The following SAMD4B variants were observed in gnomAD, a reference collection of about 807,000 sequenced individuals.
SAMD4B encodes protein Smaug homolog 2.
In SAMD4B, 5 loss-of-function variants were observed where a neutral mutation model predicts 74.5. That is an observed-to-expected ratio of 0.07 (90% CI 0.04 to 0.14). The LOEUF (loss-of-function observed/expected upper bound fraction) is 0.14. SAMD4B is among the 10% of genes least tolerant of loss of function. The pLI is 1.00. For synonymous variants in SAMD4B, 373 were observed against 374.9 expected (o/e 1.00, Z 0.06); for missense variants, 608 against 921.8 (o/e 0.66, Z 4.41).
rs759040013 is a variant in SAMD4B, at chr19:39,385,608, C to T, written c.*2081C>T. 1.6e-5 allele frequency: 8 copies of T among 510,066 alleles called. No individual in the cohort carries two copies. The highest frequency in any genetic ancestry group is 5.0e-4 in the Middle Eastern group (1 of 1,984). 31.6% of individuals were successfully genotyped at this position (510,066 alleles called of 1,614,324 possible). ...AGCTTTGAGTAACTGTACAGTTTTT[C>T]TCGCTGTTGGAGAAGACTTATTTGT... is the stretch of plus-strand genomic sequence containing the variant. On this transcript the variant is annotated 3_prime_UTR_variant, in exon 14 of 14. Coordinates refer to ENST00000610417, the MANE Select transcript of SAMD4B (RefSeq NM_001384574.2).
At chr19:39,387,257 AT>A (rs935211283), downstream of SAMD4B, 72 of 383,866 alleles carry the variant, frequency 1.9e-4, no homozygotes, top group African/African-American at 1.3e-3. Flanking sequence ...AATAGTAAGT[AT>A]TTGTGTATCT....
chr19:39,380,601 C>G lies in SAMD4B; in HGVS notation c.1664C>G (p.Ser555Cys), dbSNP rs1600588447. ...YRQQKGWAFG[S>C]NSLPIAGSVG... ...CTCTCTCATAGCTGGGCATTCGGCT[C>G]CAACTCGCTCCCCATAGCTGGCTCT... Residue 555 changes from serine to cysteine, a missense_variant, in exon 11 of 14, where the codon TCC becomes TGC. Ser to Cys is a moderately radical substitution (Grantham distance 112). Around this residue, in one of 9 missense-constraint regions of SAMD4B, gnomAD observed 167 missense variants for 193.0 expected, o/e 0.87. Coordinates refer to ENST00000610417, the MANE Select transcript of SAMD4B (RefSeq NM_001384574.2). The G allele has an allele frequency of 6.2e-7, 1 of 1,614,186 alleles. No homozygotes were observed. Among genetic ancestry groups the G allele is most frequent in the East Asian group, 2.2e-5 (1 of 44,880 alleles).
chr19:39,377,878 C>T lies in SAMD4B; in HGVS notation c.1444+54C>T, dbSNP rs2077699290. 21 of 1,502,732 alleles carry T rather than the reference C, an allele frequency of 1.4e-5. No homozygotes were observed. The South Asian group carries it at 2.7e-4, about 19-fold the overall frequency. The allele number at this position is 1,502,732 out of a possible 1,614,324, so 93.1% of individuals were successfully genotyped here. A position where few individuals can be genotyped will look rare whatever the true frequency, so the allele number is the denominator to read the frequency against. On this transcript the variant is annotated intron_variant, in intron 8 of 13. Coordinates refer to ENST00000610417, the MANE Select transcript of SAMD4B (RefSeq NM_001384574.2). The stretch of plus-strand genomic sequence containing the variant: ...TCCTGAGGCAGAAAGCCAAGTGAAC[C>T]CAAGCACCAGGGATCAAATCCAAGT...
downstream of SAMD4B, chr19:39,386,009 A>G (rs1246122974): frequency 3.1e-6 from 5 of 1,613,632 alleles, no homozygotes; most frequent in African/African-American, 1.3e-5. This position sits in a 1 kb window ranked among gnomAD's most constrained non-coding sequence, Gnocchi z 6.1. Context: ...TGTCACTATC[A>G]GCTTCACTGG....
chr19:39,364,544 CCTTGA>C (rs2145575652), intron 3 of SAMD4B, among the ~76,000 whole-genome samples: 1 of 152,284 alleles, frequency 6.6e-6, no homozygotes, highest in South Asian at 2.1e-4. Context: ...GGGTGCATAT[CCTTGA>C]CTTATTTTTA....
At chr19:39,380,154 A>C in intron 10 of SAMD4B, 70 bp downstream of exon 10, 3 of 1,197,954 alleles carry the variant, frequency 2.5e-6, no homozygotes, top group Non-Finnish European at 3.6e-6. Context: ...TCGTGCTTAG[A>C]GGGGTGATTG....
downstream of SAMD4B, chr19:39,389,608 C>G (rs770596314): frequency 1.2e-6 from 2 of 1,614,190 alleles, no homozygotes; most frequent in Non-Finnish European, 1.7e-6. This position sits in a 1 kb window ranked among gnomAD's most constrained non-coding sequence, Gnocchi z 5.3. Flanking sequence ...CTTTGCTGAC[C>G]TAGAGCAGAC....
intron 1 of SAMD4B, among the ~76,000 whole-genome samples, chr19:39,343,384 C>T (rs1225051858): frequency 1.3e-5 from 2 of 151,372 alleles, no homozygotes; most frequent in South Asian, 2.1e-4. Flanking sequence ...TGAAGATCTC[C>T]TTCCCATATC....
At chr19:39,389,064 G>T (rs759343098), downstream of SAMD4B, 19 of 1,611,344 alleles carry the variant, frequency 1.2e-5, no homozygotes, top group Non-Finnish European at 1.5e-5. This position sits in a 1 kb window ranked among gnomAD's most constrained non-coding sequence, Gnocchi z 5.3. Context: ...CCGCACCCTT[G>T]CCTCTCCCCA....
At chr19:39,376,035 C>G in intron 5 of SAMD4B, 146 bp downstream of exon 5, 1 of 1,099,726 alleles carries the variant, frequency 9.1e-7, no homozygotes, top group Non-Finnish European at 1.3e-6. Flanking sequence ...GCTTTTAGGG[C>G]TCAGGACTAA....
At chr19:39,345,563 G>A (rs1814034542) in intron 1 of SAMD4B, among the ~76,000 whole-genome samples, 2 of 152,064 alleles carry the variant, frequency 1.3e-5, no homozygotes, top group South Asian at 2.1e-4. Flanking sequence ...TTTTCATTCT[G>A]TGTCTTACTG....
chr19:39,355,412 G>A (rs1340129202), intron 2 of SAMD4B, among the ~76,000 whole-genome samples: 2 of 152,162 alleles, frequency 1.3e-5, no homozygotes, highest in East Asian at 3.9e-4. Context: ...GTTGCCTAAT[G>A]CACCCCACAG....
rs2077764928 is a variant in SAMD4B, at chr19:39,378,833, G to C, written c.1530+244G>C. On this transcript the variant is annotated intron_variant, in intron 9 of 13. Coordinates refer to ENST00000610417, the MANE Select transcript of SAMD4B (RefSeq NM_001384574.2). This position sits in a 1 kb window ranked among gnomAD's most constrained non-coding sequence, Gnocchi z 4.4. The stretch of plus-strand genomic sequence containing the variant: ...GAGGCAGAATGGCGTGAACCCGGCA[G>C]GTGGAGCTTGTGGTGAGCCAAGATC... Among the ~76,000 whole-genome samples the C allele has an allele frequency of 6.6e-6, 1 of 152,252 alleles. No individual in the cohort carries two copies. The highest frequency in any genetic ancestry group is 1.5e-5 in the Non-Finnish European group (1 of 68,042).
downstream of SAMD4B, chr19:39,389,159 T>C: frequency 6.2e-7 from 1 of 1,614,152 alleles, no homozygotes; most frequent in Non-Finnish European, 8.5e-7. The surrounding 1 kb of genome is among the most constrained non-coding windows in gnomAD (Gnocchi z 5.3). Flanking sequence ...CTTTGTATAT[T>C]TCTTCCTCGG....
downstream of SAMD4B, chr19:39,385,845 G>A (rs1229697418): frequency 5.8e-6 from 7 of 1,197,296 alleles, no homozygotes; most frequent in Non-Finnish European, 5.8e-6. Flanking sequence ...GGGGCTGGGA[G>A]GGGAAGTAAA....
At position 39,379,998 on chromosome 19, in the gene SAMD4B, A is replaced by G; in HGVS notation, c.1563A>G (p.Leu521=). 1 of 1,614,072 alleles carries G rather than the reference A, an allele frequency of 6.2e-7. No individual in the cohort carries two copies. The change falls in exon 10 of 14, where the codon CTA becomes CTG. Residue 521 remains leucine (L), a synonymous_variant. Coordinates refer to ENST00000610417, the MANE Select transcript of SAMD4B (RefSeq NM_001384574.2). ...CGGAGACGCAGAAGAAACGGCTGCTATCCTGGAAACAGCAAGTGCTGAAGC... is the reference window on the plus strand; with the variant it reads ...CGGAGACGCAGAAGAAACGGCTGCTGTCCTGGAAACAGCAAGTGCTGAAGC... ...AFTETQKKRL[L]SWKQQVLKLL... is the part of the protein sequence containing the mutation.
intron 10 of SAMD4B, 121 bp downstream of exon 10, chr19:39,380,205 G>A (rs1324007153): frequency 2.7e-5 from 20 of 736,638 alleles, no homozygotes; most frequent in Admixed American, 2.7e-4. Context: ...GTCACTGGGC[G>A]ACTTTCCCAG....
In SAMD4B at chr19:39,369,773, G is replaced by A. The variant is rs750679826; in HGVS notation, c.315G>A (p.Leu105=). The A allele has an allele frequency of 5.6e-6, 9 of 1,614,238 alleles. No individual in the cohort carries two copies. The highest frequency in any genetic ancestry group is 6.8e-6 in the Non-Finnish European group (8 of 1,180,042). The stretch of plus-strand genomic sequence containing the variant: ...CCAAGTCGGAGTACATGAGGCTACT[G>A]CAGAAAGTGCTGGCCTACTCAATCG... ...TEAKSEYMRL[L]QKVLAYSIES... The change falls in exon 4 of 14, where the codon CTG becomes CTA. Residue 105 remains leucine (L), a synonymous_variant. Coordinates refer to ENST00000610417, the MANE Select transcript of SAMD4B (RefSeq NM_001384574.2).
chr19:39,354,540 C>T (rs765991971), intron 2 of SAMD4B, among the ~76,000 whole-genome samples: 2 of 152,176 alleles, frequency 1.3e-5, no homozygotes, highest in Non-Finnish European at 2.9e-5. Context: ...GCACCTTCTA[C>T]GTGCCAGGCA....
Sources: allele counts gnomAD v4.1 joint callset (sites outside exome capture counted in the v4.1 genomes callset), GRCh38; gene constraint gnomAD v4.1.1; regional missense constraint gnomAD v4.1.1; non-coding constraint Gnocchi (gnomAD v3.1); transcripts MANE v1.5; gene names NCBI Gene and HGNC (gene_info 2026-07-23, HGNC 2026-07-21).